The following SUPT6H variants were observed in gnomAD, a reference collection of about 807,000 sequenced individuals.
SUPT6H encodes the protein SPT6 homolog, histone chaperone and transcription elongation factor, also known as transcription elongation factor SPT6.
In SUPT6H, 11 loss-of-function variants were observed where a neutral mutation model predicts 222.3. The observed-to-expected ratio is 0.05, with a 90% CI of 0.03 to 0.08. The LOEUF is 0.08. SUPT6H is among the 10% of genes least tolerant of loss of function. SUPT6H has a pLI of 1.00. For missense variants in SUPT6H, 1,422 were observed against 2,216.0 expected (o/e 0.64, Z 7.19); for synonymous variants, 762 against 801.2 (o/e 0.95, Z 0.83).
At chr17:28,683,535 T>C in intron 16 of SUPT6H, 86 bp from the exon 17 acceptor site, 1 of 1,582,412 alleles carries the variant, frequency 6.3e-7, no homozygotes, top group South Asian at 1.2e-5. Flanking sequence ...AGCAGGCTGT[T>C]GTCTCTGGCT....
chr17:28,694,879 C>CTGT (rs2031825162), intron 28 of SUPT6H: 1 of 154,456 alleles, frequency 6.5e-6, no homozygotes, highest in Non-Finnish European at 1.4e-5. Flanking sequence ...TGGCACACGC[C>CTGT]TGTAATCCCA....
intron 33 of SUPT6H, 135 bp from the exon 34 acceptor site, chr17:28,700,038 G>A: frequency 7.0e-7 from 1 of 1,429,336 alleles, no homozygotes; most frequent in African/African-American, 1.4e-5. Flanking sequence ...CCAGCACCAG[G>A]AAGGTTCTCC....
At chr17:28,667,401 G>GTATATA (rs1487315926) in intron 1 of SUPT6H, among the ~76,000 whole-genome samples, 2 of 20,026 alleles carry the variant, frequency 1.0e-4, no homozygotes, top group Non-Finnish European at 1.4e-4. Flanking sequence ...AAAAGTGTGT[G>GTATATA]TGTGTATATA....
chr17:28,667,448 T>A (rs1453362090), intron 1 of SUPT6H, among the ~76,000 whole-genome samples: 1 of 140,962 alleles, frequency 7.1e-6, no homozygotes, highest in Admixed American at 7.2e-5. Flanking sequence ...TATGTGTGTG[T>A]GTATACATAT....
chr17:28,677,474 G>A (rs1292057489), intron 7 of SUPT6H, among the ~76,000 whole-genome samples: 2 of 152,016 alleles, frequency 1.3e-5, no homozygotes, highest in Non-Finnish European at 2.9e-5. Context: ...GAACTCCGGA[G>A]GCGGAGGTTG....
At position 28,695,195 on chromosome 17, in the gene SUPT6H, C is replaced by T. The variant is rs2031844973; in HGVS notation, c.3775-157C>T. On this transcript the variant is annotated intron_variant, in intron 28 of 36. Coordinates refer to ENST00000314616, the MANE Select transcript of SUPT6H (RefSeq NM_003170.5). ...GTAGTCTACAGACAAGATTCCACCC[C>T]AAACTCCCAGTCTGCCATTCAGCAG... 5.7e-6 allele frequency: 4 copies of T among 704,414 alleles called. No individual in the cohort carries two copies. In the Admixed American group the frequency reaches 1.1e-4, roughly 20 times the overall value. The allele number at this position is 704,414 out of a possible 1,614,324, so 43.6% of individuals were successfully genotyped here.
intron 17 of SUPT6H, among the ~76,000 whole-genome samples, chr17:28,684,063 C>T (rs1201852044): frequency 4.6e-5 from 7 of 151,748 alleles, no homozygotes; most frequent in Non-Finnish European, 8.8e-5. Context: ...ATGGTTTTAC[C>T]GTGTTAGCCA....
intron 1 of SUPT6H, among the ~76,000 whole-genome samples, chr17:28,667,437 G>GTA (rs1316385646): frequency 6.1e-5 from 4 of 65,616 alleles, no homozygotes; most frequent in Non-Finnish European, 1.0e-4. Flanking sequence ...ATATATATAT[G>GTA]TATGTGTGTG....
In SUPT6H at chr17:28,700,354, C is replaced by A. The variant is rs187829802; in HGVS notation, c.4648C>A (p.Arg1550=). The change falls in exon 35 of 37, where the codon CGG becomes AGG. Residue 1550 remains arginine (R), a synonymous_variant. Coordinates refer to ENST00000314616, the MANE Select transcript of SUPT6H (RefSeq NM_003170.5). ...PANINLADLT[R]AVNALPQNMT... ...CCTCTGTGTGCTTACAGATCTGACA[C>A]GGGCTGTGAATGCCCTGCCTCAGAA... is the stretch of plus-strand genomic sequence containing the variant. 1 of 1,614,206 alleles carries A rather than the reference C, an allele frequency of 6.2e-7. No individual in the cohort carries two copies. Among genetic ancestry groups the A allele is most frequent in the South Asian group, 1.1e-5 (1 of 91,088 alleles).
At chr17:28,678,727 A>G in intron 10 of SUPT6H, 93 bp downstream of exon 10, 3 of 1,610,160 alleles carry the variant, frequency 1.9e-6, no homozygotes, top group Non-Finnish European at 2.5e-6. Context: ...AGGCCTGTCT[A>G]GTCCTCCCCC....
Position 28,700,407 on chromosome 17 carries a change from T to C in SUPT6H, c.4701T>C (p.Ile1567=), listed in dbSNP as rs759195910. 1 of 1,614,236 alleles carries C rather than the reference T, an allele frequency of 6.2e-7. No homozygotes were observed. Among genetic ancestry groups the C allele is most frequent in the Non-Finnish European group, 8.5e-7 (1 of 1,180,040 alleles). ...TGACTTCACAGATGTTCAGTGCCAT[T>C]GCTGCGGTGACAGGCCAAGGACAGA... ...QNMTSQMFSA[I]AAVTGQGQNP... The change falls in exon 35 of 37, where the codon ATT becomes ATC. Residue 1567 remains isoleucine (I), a synonymous_variant. Coordinates refer to ENST00000314616, the MANE Select transcript of SUPT6H (RefSeq NM_003170.5).
chr17:28,691,354 C>A, intron 27 of SUPT6H: 1 of 313,124 alleles, frequency 3.2e-6, no homozygotes, highest in Non-Finnish European at 6.2e-6. Context: ...GGTGAACCCC[C>A]GTCTCTACTA....
chr17:28,689,567 G>T lies in SUPT6H; in HGVS notation c.3342+6G>T, dbSNP rs1271273170. 1.9e-6 allele frequency: 3 copies of T among 1,613,522 alleles called. No homozygotes were observed. In the African/African-American group the frequency reaches 4.0e-5, roughly 22 times the overall value. On this transcript the variant is annotated splice_donor_region_variant and intron_variant, in intron 25 of 36. Transcript: ENST00000314616. ...CAGAAGAGCTGGAGAGGCAGGTAAG[G>T]GACAGCATGGAAGGCCCGGCAGGAG...
At chr17:28,692,214 C>T (rs1394457242) in intron 27 of SUPT6H, among the ~76,000 whole-genome samples, 1 of 151,326 alleles carries the variant, frequency 6.6e-6, no homozygotes, top group African/African-American at 2.4e-5. Flanking sequence ...GTCCCAGCTA[C>T]TCGGGAGGCT....
chr17:28,673,907 A>G (rs889166294), intron 2 of SUPT6H, among the ~76,000 whole-genome samples: 2 of 152,212 alleles, frequency 1.3e-5, no homozygotes, highest in African/African-American at 4.8e-5. Flanking sequence ...AATGACTTCA[A>G]AGGGGTAAAG....
chr17:28,689,587 C>T (rs762032642), intron 25 of SUPT6H, 26 bp downstream of exon 25: 1 of 1,610,586 alleles, frequency 6.2e-7, no homozygotes, highest in Middle Eastern at 2.0e-4. Context: ...GAAGGCCCGG[C>T]AGGAGAACCC....
intron 35 of SUPT6H, 76 bp from the exon 36 acceptor site, chr17:28,700,865 T>G (rs528630667): frequency 6.6e-7 from 1 of 1,516,804 alleles, no homozygotes; most frequent in South Asian, 1.2e-5. Context: ...AGCCCACCCT[T>G]GCGCTTACCC....
At chr17:28,667,370 C>CAAAAAAA (rs546020183) in intron 1 of SUPT6H, among the ~76,000 whole-genome samples, 1 of 6,236 alleles carries the variant, frequency 1.6e-4, no homozygotes, top group East Asian at 5.7e-3. Context: ...GACTCCGTCT[C>CAAAAAAA]AAAAAAAAAA....
Position 28,702,661 on chromosome 17 carries a change from G to C in SUPT6H, c.*1036G>C, listed in dbSNP as rs1205229669. ...CTGGCACCCTGGAGAAAGGCCACAA[G>C]TAAATCTGGATTTCTCAACTTGAGC... On this transcript the variant is annotated 3_prime_UTR_variant, in exon 37 of 37. Coordinates refer to ENST00000314616, the MANE Select transcript of SUPT6H (RefSeq NM_003170.5). 6.6e-6 allele frequency: 1 copy of C among 152,602 alleles called. No individual in the cohort carries two copies. The highest frequency in any genetic ancestry group is 1.5e-5 in the Non-Finnish European group (1 of 68,174). The allele number at this position is 152,602 out of a possible 1,614,324, so 9.5% of individuals were successfully genotyped here.
Sources: gnomAD v4.1 joint callset for allele counts (sites outside exome capture counted in the v4.1 genomes callset) on GRCh38, gnomAD v4.1.1 for gene constraint, MANE v1.5 for transcripts, NCBI Gene and HGNC (gene_info 2026-07-23, HGNC 2026-07-21) for gene names.